Variants in AGBL4 observed in about 807,000 individuals in gnomAD.
AGBL4 encodes cytosolic carboxypeptidase 6.
Under a neutral mutation model 66.4 loss-of-function variants are expected in AGBL4, and 58 were observed. The observed-to-expected ratio is 0.87, with a 90% CI of 0.71 to 1.09. AGBL4 has a LOEUF of 1.09. Ranked by LOEUF, AGBL4 falls within the 50% of genes least tolerant of loss-of-function variation. The probability of loss-of-function intolerance (pLI) is 0.00; values close to 1 mark genes in which losing one functional copy is unlikely to be tolerated. For missense variants in AGBL4, 579 were observed against 631.0 expected (o/e 0.92, Z 0.88); for synonymous variants, 234 against 222.9 (o/e 1.05, Z -0.44).
intron 5 of AGBL4, among the ~76,000 whole-genome samples, chr1:49,001,893 CCATTGGAACCTGAGGCAAATTAGCTAACT>C (rs1661419581): frequency 6.6e-6 from 1 of 152,160 alleles, no homozygotes; most frequent in South Asian, 2.1e-4. Context: ...CAGTACCCTG[CCATTGGAACCTGAGGCAAATTAGCTAACT>C]CCCTTAACTC....
chr1:48,847,482 G>A (rs1189252377), intron 6 of AGBL4, among the ~76,000 whole-genome samples: 14 of 151,280 alleles, frequency 9.3e-5, no homozygotes, highest in Non-Finnish European at 2.1e-4. Flanking sequence ...GGGTGATCCT[G>A]AGTGAATCAC....
chr1:49,045,885 G>T, intron 4 of AGBL4, 85 bp from the exon 5 acceptor site: 1 of 1,135,324 alleles, frequency 8.8e-7, no homozygotes, highest in Non-Finnish European at 1.2e-6. Context: ...AATGCCTGGA[G>T]AAAAACTGTA....
At chr1:48,812,919 A>T (rs900735161) in intron 6 of AGBL4, among the ~76,000 whole-genome samples, 1 of 150,734 alleles carries the variant, frequency 6.6e-6, no homozygotes, top group African/African-American at 2.4e-5. Flanking sequence ...ATGAGAACAC[A>T]TGGACACAGG....
At chr1:49,181,590 G>T (rs1380166550) in intron 4 of AGBL4, among the ~76,000 whole-genome samples, 1 of 152,174 alleles carries the variant, frequency 6.6e-6, no homozygotes, top group Non-Finnish European at 1.5e-5. Context: ...TAGGTTAAAT[G>T]AGATAATGCA....
At chr1:49,545,372 G>C (rs1251535798) in intron 3 of AGBL4, among the ~76,000 whole-genome samples, 1 of 152,146 alleles carries the variant, frequency 6.6e-6, no homozygotes, top group Non-Finnish European at 1.5e-5. Flanking sequence ...TGTGAGTTTG[G>C]AGGATAATCT....
chr1:49,450,385 A>G (rs1352511517), intron 3 of AGBL4, among the ~76,000 whole-genome samples: 1 of 152,098 alleles, frequency 6.6e-6, no homozygotes, highest in Non-Finnish European at 1.5e-5. Context: ...GAATACCAAT[A>G]TTTAAAAGTT....
intron 4 of AGBL4, among the ~76,000 whole-genome samples, chr1:49,143,252 C>A (rs1646152848): frequency 6.6e-6 from 1 of 152,170 alleles, no homozygotes; most frequent in Non-Finnish European, 1.5e-5. Flanking sequence ...TAGTTCTGGG[C>A]ACATACTGCT....
chr1:49,696,639 CAT>C, intron 3 of AGBL4, among the ~76,000 whole-genome samples: 1 of 152,016 alleles, frequency 6.6e-6, no homozygotes, highest in East Asian at 1.9e-4. Context: ...CCCTCCCCAA[CAT>C]ATTTCAGTAT....
intron 6 of AGBL4, among the ~76,000 whole-genome samples, chr1:48,785,391 AG>A (rs1385292622): frequency 6.6e-6 from 1 of 152,112 alleles, no homozygotes; most frequent in Non-Finnish European, 1.5e-5. Flanking sequence ...CCCTACCCAG[AG>A]ATGAGAGGCA....
At chr1:49,585,476 T>A (rs1013117475) in intron 3 of AGBL4, among the ~76,000 whole-genome samples, 3 of 152,126 alleles carry the variant, frequency 2.0e-5, no homozygotes, top group Admixed American at 2.0e-4. Context: ...GAGGGTGGCC[T>A]CCAGCCAACA....
chr1:48,872,370 A>AAAT (rs1182139101), intron 5 of AGBL4, among the ~76,000 whole-genome samples: 1 of 152,158 alleles, frequency 6.6e-6, no homozygotes, highest in African/African-American at 2.4e-5. Flanking sequence ...TAAGTCACAT[A>AAAT]TATTTATGGT....
At chr1:49,716,786 T>C (rs562330594) in intron 2 of AGBL4, among the ~76,000 whole-genome samples, 1 of 152,156 alleles carries the variant, frequency 6.6e-6, no homozygotes, top group South Asian at 2.1e-4. Flanking sequence ...CTCAAAATAA[T>C]AAGAGCTATT....
chr1:49,981,771 A>C (rs1659075548), intron 1 of AGBL4, among the ~76,000 whole-genome samples: 1 of 152,220 alleles, frequency 6.6e-6, no homozygotes, highest in Non-Finnish European at 1.5e-5. Context: ...TAAACCACTA[A>C]ACCAATTTCC....
At chr1:48,846,124 T>C (rs1434566947) in intron 6 of AGBL4, among the ~76,000 whole-genome samples, 3 of 152,060 alleles carry the variant, frequency 2.0e-5, no homozygotes, top group African/African-American at 7.2e-5. Context: ...CTGGGAGCTA[T>C]CATCAGAGAG....
chr1:49,894,761 T>C (rs532949774), intron 1 of AGBL4, among the ~76,000 whole-genome samples: 5 of 152,292 alleles, frequency 3.3e-5, no homozygotes, highest in Admixed American at 1.3e-4. Flanking sequence ...GAAGTATTCC[T>C]ACAAGATGTA....
chr1:49,593,464 T>C (rs1416750991), intron 3 of AGBL4, among the ~76,000 whole-genome samples: 1 of 152,108 alleles, frequency 6.6e-6, no homozygotes, highest in Non-Finnish European at 1.5e-5. Context: ...ACTATAACTA[T>C]ACATAAACTC....
At chr1:49,519,603 A>C (rs1038691312) in intron 3 of AGBL4, among the ~76,000 whole-genome samples, 4 of 152,094 alleles carry the variant, frequency 2.6e-5, no homozygotes, top group Admixed American at 2.0e-4. Context: ...AACCCTATGT[A>C]GTCACATATC....
At chr1:48,814,644 G>A (rs1025127101) in intron 6 of AGBL4, among the ~76,000 whole-genome samples, 1 of 143,828 alleles carries the variant, frequency 7.0e-6, no homozygotes, top group Admixed American at 7.1e-5. Context: ...CCACATATGA[G>A]TGAGAACATG....
At chr1:48,798,994 C>T (rs575010397) in intron 6 of AGBL4, among the ~76,000 whole-genome samples, 8 of 152,134 alleles carry the variant, frequency 5.3e-5, no homozygotes, top group East Asian at 3.9e-4. Flanking sequence ...GCTTTGACTA[C>T]GCAGGCTCTT....
Sources: gnomAD v4.1 joint callset for allele counts (sites outside exome capture counted in the v4.1 genomes callset) on GRCh38, gnomAD v4.1.1 for gene constraint, MANE v1.5 for transcripts, NCBI Gene and HGNC (gene_info 2026-07-23, HGNC 2026-07-21) for gene names.